MBNL3: variants seen among roughly 807,000 people sequenced by gnomAD.
MBNL3 encodes the protein muscleblind-like protein 3.
MBNL3 carries 6 observed loss-of-function variants against 24.5 expected under a neutral mutation model. The ratio of observed to expected loss-of-function variants is 0.25; its 90% CI spans 0.13 to 0.48. The LOEUF (loss-of-function observed/expected upper bound fraction) is 0.48. MBNL3 is among the 20% of genes least tolerant of loss of function. The probability of loss-of-function intolerance (pLI) is 0.99; values close to 1 mark genes in which losing one functional copy is unlikely to be tolerated. For missense variants in MBNL3, 230 were observed against 293.5 expected (o/e 0.78, Z 1.58); for synonymous variants, 100 against 101.7 (o/e 0.98, Z 0.10).
intron 7 of MBNL3, among the ~76,000 whole-genome samples, chrX:132,382,861 C>T (rs867236350): frequency 5.1e-4 from 57 of 111,952 alleles, no homozygotes; most frequent in African/African-American, 1.8e-3. Context: ...ATGAAGAATA[C>T]AGTGGACTAT....
At chrX:132,396,991 T>A (rs1374399051) in intron 3 of MBNL3, among the ~76,000 whole-genome samples, 1 of 91,298 alleles carries the variant, frequency 1.1e-5, no homozygotes, top group African/African-American at 4.0e-5. Flanking sequence ...AATATATATG[T>A]ATATGAATTT....
upstream of MBNL3, among the ~76,000 whole-genome samples, chrX:132,489,348 G>C (rs977660100): frequency 6.2e-5 from 7 of 112,207 alleles, no homozygotes; most frequent in Admixed American, 1.8e-4. Flanking sequence ...ACAAGGCCAC[G>C]GGCCGGCCCT....
intron 2 of MBNL3, among the ~76,000 whole-genome samples, chrX:132,421,755 A>G: frequency 9.0e-6 from 1 of 111,618 alleles, no homozygotes; most frequent in Non-Finnish European, 1.9e-5. Flanking sequence ...AAAAGCATGG[A>G]GCATCACACT....
At chrX:132,380,814 A>G (rs1934778937) in intron 8 of MBNL3, among the ~76,000 whole-genome samples, 2 of 110,601 alleles carry the variant, frequency 1.8e-5, no homozygotes, top group African/African-American at 6.6e-5. Flanking sequence ...GCACCAGGCA[A>G]AGAGGAGATT....
intron 5 of MBNL3, among the ~76,000 whole-genome samples, chrX:132,387,629 A>G (rs747161452): frequency 8.9e-6 from 1 of 112,066 alleles, no homozygotes; most frequent in African/African-American, 3.2e-5. Context: ...CAGTTTATAC[A>G]AAGACTTCAG....
intron 2 of MBNL3, among the ~76,000 whole-genome samples, chrX:132,434,776 G>A (rs1945022232): frequency 8.9e-6 from 1 of 111,802 alleles, no homozygotes; most frequent in Non-Finnish European, 1.9e-5. Flanking sequence ...CAGGTTGGAG[G>A]AGACTAAGGA....
intron 2 of MBNL3, among the ~76,000 whole-genome samples, chrX:132,428,290 A>G (rs1944466322): frequency 9.0e-6 from 1 of 111,371 alleles, no homozygotes; most frequent in South Asian, 3.7e-4. Flanking sequence ...ACATGGTTCA[A>G]TCCAAATACT....
chrX:132,396,945 T>C (rs111832873), intron 3 of MBNL3, among the ~76,000 whole-genome samples: 226 of 64,237 alleles, frequency 3.5e-3, no homozygotes, highest in African/African-American at 0.011. Context: ...TTCATATATA[T>C]ATTCATATAT....
intron 1 of MBNL3, among the ~76,000 whole-genome samples, chrX:132,482,943 C>T (rs1292819770): frequency 8.9e-6 from 1 of 111,824 alleles, no homozygotes; most frequent in African/African-American, 3.3e-5. Flanking sequence ...CCCAGTCCCT[C>T]CCTAATGATT....
intron 2 of MBNL3, among the ~76,000 whole-genome samples, chrX:132,424,786 T>C (rs1180915429): frequency 1.8e-5 from 2 of 109,577 alleles, no homozygotes; most frequent in African/African-American, 6.7e-5. Flanking sequence ...TCCTTCCTTC[T>C]TTCCTTCTGT....
intron 5 of MBNL3, among the ~76,000 whole-genome samples, chrX:132,387,296 G>C (rs1180746802): frequency 1.0e-5 from 1 of 98,197 alleles, no homozygotes; most frequent in African/African-American, 3.7e-5. Flanking sequence ...AAAAAAAAGA[G>C]GTAGTCCAAC....
chrX:132,409,270 C>CTT (rs1388670611), intron 2 of MBNL3, among the ~76,000 whole-genome samples: 1 of 112,005 alleles, frequency 8.9e-6, no homozygotes, highest in Non-Finnish European at 1.9e-5. Flanking sequence ...TCTGTTAACA[C>CTT]TTGTTTTTTA....
At chrX:132,421,503 G>A (rs532055942) in intron 2 of MBNL3, among the ~76,000 whole-genome samples, 36 of 111,767 alleles carry the variant, frequency 3.2e-4, no homozygotes, top group African/African-American at 1.1e-3. Context: ...TATTCTAGGC[G>A]AAAAGGCAGA....
rs1347649770 is a variant in MBNL3 at position 132,369,748 on chromosome X, C to T, written c.*9918G>A. On this transcript the variant is annotated 3_prime_UTR_variant, in exon 9 of 9. Transcript: ENST00000370853. ...AATCTTTCCTTGTACTTGTACATGCCTGCATTGCATTGCATCACTTATGAA... is the reference window on the plus strand; with the variant it reads ...AATCTTTCCTTGTACTTGTACATGCTTGCATTGCATTGCATCACTTATGAA... 2 of 111,885 alleles carry T rather than the reference C, an allele frequency of 1.8e-5. No individual in the cohort carries two copies. Among genetic ancestry groups the T allele is most frequent in the Non-Finnish European group, 3.8e-5 (2 of 53,219 alleles). 9.2% of individuals were successfully genotyped at this position (111,885 alleles called of 1,213,427 possible). A position where few individuals can be genotyped will look rare whatever the true frequency, so the allele number is the denominator to read the frequency against.
chrX:132,406,288 G>T lies in MBNL3; in HGVS notation c.282C>A (p.Ala94=). ...GRNNLIQQKT[A]AAMFAQQMQL... ...GCATCTGCTGGGCGAACATGGCTGC[G>T]GCAGTCTTCTGTTGAATCAGATTGT... The change falls in exon 3 of 9, where the codon GCC becomes GCA. Residue 94 remains alanine, a synonymous_variant. Coordinates refer to ENST00000370853, the MANE Select transcript of MBNL3 (RefSeq NM_001386889.1). 6 of 1,211,425 alleles carry T rather than the reference G, an allele frequency of 5.0e-6. No individual in the cohort carries two copies. The highest frequency in any genetic ancestry group is 1.7e-5 in the African/African-American group (1 of 57,803).
chrX:132,396,023 A>C (rs1938146090), intron 3 of MBNL3, among the ~76,000 whole-genome samples: 1 of 110,689 alleles, frequency 9.0e-6, no homozygotes, highest in African/African-American at 3.3e-5. Context: ...TAAATGATTG[A>C]AAAAAATAAG....
At chrX:132,403,396 T>C (rs1941274205) in intron 3 of MBNL3, among the ~76,000 whole-genome samples, 1 of 111,579 alleles carries the variant, frequency 9.0e-6, no homozygotes, top group African/African-American at 3.3e-5. Context: ...AGAGAAGCAA[T>C]TTCCAATTGT....
At chrX:132,381,461 A>C in intron 8 of MBNL3, 1 of 943,545 alleles carries the variant, frequency 1.1e-6, no homozygotes, top group South Asian at 2.3e-5. Flanking sequence ...TTTTAGATTA[A>C]AATAGTTTCT....
chrX:132,381,493 G>T, intron 8 of MBNL3: 1 of 742,141 alleles, frequency 1.3e-6, no homozygotes, highest in Non-Finnish European at 2.0e-6. Flanking sequence ...TGTTTATGTT[G>T]TTATATATGT....
Sources: gnomAD v4.1 joint callset for allele counts (sites outside exome capture counted in the v4.1 genomes callset) on GRCh38, gnomAD v4.1.1 for gene constraint, MANE v1.5 for transcripts, NCBI Gene and HGNC (gene_info 2026-07-23, HGNC 2026-07-21) for gene names.